Variants in PCSK5 observed in about 807,000 individuals in gnomAD.
The protein encoded by PCSK5 is prohormone convertase 5.
PCSK5 carries 129 observed loss-of-function variants against 233.2 expected under a neutral mutation model. The observed-to-expected ratio is 0.55, with a 90% CI of 0.48 to 0.64. The LOEUF is 0.64. PCSK5 is among the 30% of genes least tolerant of loss of function. PCSK5 has a pLI of 0.00. For missense variants in PCSK5, 2,076 were observed against 2,430.1 expected (o/e 0.85, Z 3.06); for synonymous variants, 825 against 879.2 (o/e 0.94, Z 1.09).
rs117383139 is a variant in PCSK5 at position 76,280,443 on chromosome 9, G to A, written c.3143-11790G>A. The stretch of plus-strand genomic sequence containing the variant: ...TGATTAAGCTTAGTGAGGAAGGCAA[G>A]TCAAAAACAAAGGTAGGGCCGGACA... On this transcript the variant is annotated intron_variant, in intron 24 of 37. Transcript: ENST00000674117. Among the ~76,000 whole-genome samples the A allele has an allele frequency of 3.1e-3, 467 of 152,218 alleles. 14 individuals are homozygous for A. Among genetic ancestry groups the A allele is most frequent in the East Asian group, 6.9e-3 (36 of 5,182 alleles).
chr9:76,092,915 T>G (rs953788380), intron 7 of PCSK5, among the ~76,000 whole-genome samples: 2 of 152,148 alleles, frequency 1.3e-5, no homozygotes, highest in African/African-American at 4.8e-5. Flanking sequence ...TCTTGTTTCT[T>G]TTTATAAAAG....
At chr9:76,284,068 G>A (rs769741875) in intron 24 of PCSK5, among the ~76,000 whole-genome samples, 3 of 151,860 alleles carry the variant, frequency 2.0e-5, no homozygotes, top group Non-Finnish European at 2.9e-5. Flanking sequence ...TGTGGCCTGG[G>A]TCACTGGTCT....
intron 20 of PCSK5, among the ~76,000 whole-genome samples, chr9:76,210,125 G>GT (rs1005436908): frequency 6.6e-6 from 1 of 152,162 alleles, no homozygotes; most frequent in East Asian, 1.9e-4. Flanking sequence ...AAGTCCAAGA[G>GT]TTTTTTTAGG....
At position 76,184,851 on chromosome 9, in the gene PCSK5, T is replaced by C. The variant is rs965991540; in HGVS notation, c.2282+94T>C. 12 of 689,830 alleles carry C rather than the reference T, an allele frequency of 1.7e-5. No homozygotes were observed. In the African/African-American group the frequency reaches 2.0e-4, roughly 12 times the overall value. 42.7% of individuals were successfully genotyped at this position (689,830 alleles called of 1,614,324 possible). A position where few individuals can be genotyped will look rare whatever the true frequency, so the allele number is the denominator to read the frequency against. ...AATGATAAACAAGTAAATAAACAGC[T>C]CTCTTATGATCTACCCTGGGTTTGA... On this transcript the variant is annotated intron_variant, in intron 17 of 37. Transcript: ENST00000674117.
intron 3 of PCSK5, among the ~76,000 whole-genome samples, chr9:75,988,925 G>T (rs1826643484): frequency 6.6e-6 from 1 of 152,176 alleles, no homozygotes; most frequent in African/African-American, 2.4e-5. Context: ...TGTTTACGGT[G>T]CTGTGAGGAA....
At chr9:76,184,543 G>T in intron 16 of PCSK5, 130 bp from the exon 17 acceptor site, 1 of 536,212 alleles carries the variant, frequency 1.9e-6, no homozygotes, top group East Asian at 3.1e-5. Context: ...TGATTCTGTG[G>T]CTTTTCCTGC....
At chr9:76,110,127 A>G (rs1340182304) in intron 9 of PCSK5, among the ~76,000 whole-genome samples, 1 of 152,070 alleles carries the variant, frequency 6.6e-6, no homozygotes, top group Non-Finnish European at 1.5e-5. Flanking sequence ...GTTGAGGAGC[A>G]AGATCTACAA....
At chr9:75,908,921 A>ATC (rs1554704499) in intron 1 of PCSK5, among the ~76,000 whole-genome samples, 1 of 113,332 alleles carries the variant, frequency 8.8e-6, no homozygotes, top group East Asian at 2.3e-4. Flanking sequence ...CTATCTATCT[A>ATC]TCTCTCTATC....
At chr9:76,345,164 G>C (rs1394367502) in intron 35 of PCSK5, among the ~76,000 whole-genome samples, 1 of 150,862 alleles carries the variant, frequency 6.6e-6, no homozygotes, top group Non-Finnish European at 1.5e-5. Context: ...AGTGTCTATT[G>C]TTCCCTTATT....
chr9:76,350,897 A>G lies in PCSK5; in HGVS notation c.5036A>G (p.Asp1679Gly). 1 of 1,607,564 alleles carries G rather than the reference A, an allele frequency of 6.2e-7. No homozygotes were observed. The highest frequency in any genetic ancestry group is 8.5e-7 in the Non-Finnish European group (1 of 1,175,660). ...YHLMGGICTS[D>G]CLVGEYRVGE... ...CTCATGGGAGGGATCTGCACCTCGG[A>G]CTGTCTTGTGGGGGAATACAGAGTG... Residue 1679 changes from aspartate (D) to glycine (G), a missense_variant, in exon 36 of 38, where the codon GAC becomes GGC. Physicochemically the swap from Asp to Gly is moderately conservative, Grantham distance 94. Transcript: ENST00000674117.
intron 3 of PCSK5, among the ~76,000 whole-genome samples, chr9:76,011,241 G>C (rs917551846): frequency 6.6e-6 from 1 of 152,212 alleles, no homozygotes; most frequent in African/African-American, 2.4e-5. Flanking sequence ...TTCTCTGTAG[G>C]TTCCTTTATT....
chr9:76,198,223 A>C (rs889955871), intron 20 of PCSK5, among the ~76,000 whole-genome samples: 2 of 152,144 alleles, frequency 1.3e-5, no homozygotes, highest in Non-Finnish European at 2.9e-5. Context: ...CTCTTCTCTA[A>C]AGGACCATTG....
chr9:76,026,477 A>G (rs924180289), intron 4 of PCSK5, among the ~76,000 whole-genome samples: 12 of 152,216 alleles, frequency 7.9e-5, no homozygotes, highest in African/African-American at 2.9e-4. Context: ...TTGGCTTGCC[A>G]ATGATATGTG....
At chr9:75,965,842 C>A (rs973610922) in intron 2 of PCSK5, among the ~76,000 whole-genome samples, 1 of 152,132 alleles carries the variant, frequency 6.6e-6, no homozygotes, top group Middle Eastern at 3.4e-3. Context: ...GTCACTGATT[C>A]CAAAATAAGA....
At chr9:76,052,123 G>T (rs754380198) in intron 5 of PCSK5, among the ~76,000 whole-genome samples, 1 of 152,098 alleles carries the variant, frequency 6.6e-6, no homozygotes, top group African/African-American at 2.4e-5. Flanking sequence ...ACAAGGGGTC[G>T]CATTTCATTG....
chr9:75,932,513 G>C, intron 2 of PCSK5, 30 bp downstream of exon 2: 1 of 1,300,666 alleles, frequency 7.7e-7, no homozygotes, highest in Non-Finnish European at 1.1e-6. Flanking sequence ...TGGGGACCAA[G>C]AGGCAAAGCT....
At chr9:76,263,980 A>C (rs962840745) in intron 24 of PCSK5, among the ~76,000 whole-genome samples, 18 of 152,162 alleles carry the variant, frequency 1.2e-4, no homozygotes, top group Non-Finnish European at 5.9e-5. Context: ...TGGAACCAAA[A>C]AAGAGCCTGA....
At chr9:76,079,859 G>C (rs1383239679) in intron 7 of PCSK5, among the ~76,000 whole-genome samples, 1 of 152,030 alleles carries the variant, frequency 6.6e-6, no homozygotes, top group Non-Finnish European at 1.5e-5. Context: ...AGTCTGTTGA[G>C]GGTTTTTATT....
At chr9:76,172,106 T>G (rs994830537) in intron 13 of PCSK5, among the ~76,000 whole-genome samples, 7 of 152,194 alleles carry the variant, frequency 4.6e-5, no homozygotes, top group African/African-American at 1.7e-4. Context: ...CATCCCCTAA[T>G]ATAGAACTTC....
Sources: gnomAD v4.1 joint callset for allele counts (sites outside exome capture counted in the v4.1 genomes callset) on GRCh38, gnomAD v4.1.1 for gene constraint, MANE v1.5 for transcripts, NCBI Gene and HGNC (gene_info 2026-07-23, HGNC 2026-07-21) for gene names.